LINGO2: variants seen among roughly 807,000 people sequenced by gnomAD.
The protein encoded by LINGO2 is leucine-rich repeat and immunoglobulin-like domain-containing nogo receptor-interacting protein 2.
A neutral mutation model predicts 30.6 loss-of-function variants in LINGO2; 14 were observed. The ratio of observed to expected loss-of-function variants is 0.46; its 90% CI spans 0.30 to 0.72. The LOEUF (loss-of-function observed/expected upper bound fraction) is 0.72, where lower values mean the gene tolerates loss of function less well. LINGO2 is among the 30% of genes least tolerant of loss of function. The pLI, the probability that LINGO2 is intolerant of heterozygous loss-of-function variation, is 0.07. For synonymous variants in LINGO2, 317 were observed against 288.5 expected, an observed-to-expected ratio of 1.10 and a Z score of -1.00; for missense variants, 729 against 751.7, an observed-to-expected ratio of 0.97 and a Z score of 0.35.
chr9:28,232,578 G>C (rs7870314), intron 4 of LINGO2, among the ~76,000 whole-genome samples: 151,067 of 152,236 alleles, frequency 0.99, 74,959 homozygotes, highest in Middle Eastern at 1. Context: ...TTAATGTAAC[G>C]AGCACCTCAC....
intron 2 of LINGO2, among the ~76,000 whole-genome samples, chr9:28,466,573 C>T (rs180902334): frequency 4.3e-4 from 66 of 152,030 alleles, no homozygotes; most frequent in Middle Eastern, 3.4e-3. Flanking sequence ...TTTAATTGTA[C>T]ATTTTGAAAT....
intron 4 of LINGO2, among the ~76,000 whole-genome samples, chr9:28,086,121 G>A (rs1050203214): frequency 1.3e-5 from 2 of 151,996 alleles, no homozygotes; most frequent in African/African-American, 4.8e-5. Context: ...AACAGTGGGA[G>A]GGAAACTTAC....
the LINGO2 span, among the ~76,000 whole-genome samples, chr9:28,882,607 C>T: frequency 6.6e-6 from 1 of 152,254 alleles, no homozygotes; most frequent in South Asian, 2.1e-4. Context: ...AGCTATGCTC[C>T]TCTAAGATAA....
At chr9:28,513,178 G>T (rs962023607) in intron 1 of LINGO2, among the ~76,000 whole-genome samples, 1 of 149,702 alleles carries the variant, frequency 6.7e-6, no homozygotes, top group South Asian at 2.1e-4. Flanking sequence ...CAACAAACAG[G>T]CAAAAAAACA....
At chr9:28,761,840 C>T in the LINGO2 span, among the ~76,000 whole-genome samples, 2 of 151,948 alleles carry the variant, frequency 1.3e-5, no homozygotes, top group Admixed American at 6.5e-5. Flanking sequence ...GTCAAGTCCT[C>T]TTACATAAGG....
chr9:27,952,783 C>T (rs1352347413), intron 5 of LINGO2, among the ~76,000 whole-genome samples: 1 of 151,954 alleles, frequency 6.6e-6, no homozygotes, highest in Non-Finnish European at 1.5e-5. Flanking sequence ...AAGAAGAAAA[C>T]ATGTACTAGA....
chr9:28,979,141 G>A, the LINGO2 span, among the ~76,000 whole-genome samples: 1 of 151,630 alleles, frequency 6.6e-6, no homozygotes, highest in Non-Finnish European at 1.5e-5. Context: ...TTGTTTCTCT[G>A]TTTTTGTCTG....
At chr9:28,791,118 C>G in the LINGO2 span, among the ~76,000 whole-genome samples, 8 of 152,198 alleles carry the variant, frequency 5.3e-5, no homozygotes, top group South Asian at 6.2e-4. Flanking sequence ...ATATCCCCTT[C>G]CTTTCTCACC....
At chr9:28,631,573 C>T (rs76571119) in intron 1 of LINGO2, among the ~76,000 whole-genome samples, 12,106 of 151,988 alleles carry the variant, frequency 0.08, 677 homozygotes, top group Admixed American at 0.2. Flanking sequence ...ATTAGAGAAA[C>T]CTATTTTCTT....
At chr9:28,478,725 C>A (rs1157572336) in intron 1 of LINGO2, among the ~76,000 whole-genome samples, 2 of 152,102 alleles carry the variant, frequency 1.3e-5, no homozygotes, top group African/African-American at 2.4e-5. Context: ...AAGTAGTTAA[C>A]AAACCATACA....
chr9:28,364,739 T>C (rs954131343), intron 3 of LINGO2, among the ~76,000 whole-genome samples: 1 of 152,236 alleles, frequency 6.6e-6, no homozygotes, highest in Non-Finnish European at 1.5e-5. Flanking sequence ...AGAGTCTATC[T>C]GTTTGCCTCC....
chr9:28,306,923 T>C (rs1436359985), intron 3 of LINGO2, among the ~76,000 whole-genome samples: 1 of 152,080 alleles, frequency 6.6e-6, no homozygotes, highest in Non-Finnish European at 1.5e-5. Context: ...GGTCTGAAAT[T>C]GTGGCAATAA....
chr9:28,118,478 A>G (rs1193929223), intron 4 of LINGO2, among the ~76,000 whole-genome samples: 1 of 152,174 alleles, frequency 6.6e-6, no homozygotes, highest in East Asian at 1.9e-4. Flanking sequence ...TGCTTCTAAC[A>G]GTGCAATAAC....
chr9:28,312,128 C>G (rs933450914), intron 3 of LINGO2, among the ~76,000 whole-genome samples: 1 of 142,580 alleles, frequency 7.0e-6, no homozygotes, highest in African/African-American at 2.5e-5. Flanking sequence ...TGTTCTTTAG[C>G]TAGATGTTTT....
chr9:28,349,163 A>G (rs1308765319), intron 3 of LINGO2, among the ~76,000 whole-genome samples: 2 of 152,236 alleles, frequency 1.3e-5, no homozygotes, highest in Admixed American at 6.5e-5. Context: ...GACTTTGACG[A>G]GCTGAGAGAA....
the LINGO2 span, among the ~76,000 whole-genome samples, chr9:29,117,191 C>T: frequency 6.6e-6 from 1 of 152,184 alleles, no homozygotes; most frequent in Middle Eastern, 3.4e-3. Flanking sequence ...TGAGGTTGTG[C>T]TCTCAGGTAA....
the LINGO2 span, among the ~76,000 whole-genome samples, chr9:28,864,049 T>C: frequency 1.3e-5 from 2 of 151,966 alleles, no homozygotes; most frequent in African/African-American, 4.8e-5. Flanking sequence ...GAGTAGGGAG[T>C]AGAATAAATA....
At chr9:28,297,767 G>T (rs1823978448) in intron 3 of LINGO2, among the ~76,000 whole-genome samples, 1 of 152,176 alleles carries the variant, frequency 6.6e-6, no homozygotes, top group Admixed American at 6.5e-5. Context: ...AAATGAATCA[G>T]ATAATCCAAC....
At chr9:28,051,693 C>G (rs545446706) in intron 4 of LINGO2, among the ~76,000 whole-genome samples, 1 of 152,176 alleles carries the variant, frequency 6.6e-6, no homozygotes, top group African/African-American at 2.4e-5. Flanking sequence ...CAACCACAGT[C>G]ATTCAAGTTC....
Sources: allele counts gnomAD v4.1 joint callset (sites outside exome capture counted in the v4.1 genomes callset), GRCh38; gene constraint gnomAD v4.1.1; transcripts MANE v1.5; gene names NCBI Gene and HGNC (gene_info 2026-07-23, HGNC 2026-07-21).